CUX2: variants seen among roughly 807,000 people sequenced by gnomAD.
CUX2 encodes the protein cut like homeobox 2, also known as homeobox protein cut-like 2.
CUX2 carries 40 observed loss-of-function variants against 144.8 expected under a neutral mutation model. That is an observed-to-expected ratio of 0.28 (90% CI 0.21 to 0.36). The LOEUF is 0.36. Among genes scored for constraint, CUX2 ranks in the 10% least tolerant of loss-of-function variants. The pLI is 1.00. For synonymous variants in CUX2, 827 were observed against 875.6 expected (o/e 0.94, Z 0.98); for missense variants, 1,615 against 1,994.0 (o/e 0.81, Z 3.62).
At position 111,035,955 on chromosome 12, in the gene CUX2, C is replaced by CAGAG. The variant is rs150010371; in HGVS notation, c.63+1730_63+1733dup. Among the ~76,000 whole-genome samples the CAGAG allele has an allele frequency of 6.6e-6, 1 of 150,496 alleles. No individual in the cohort carries two copies. Among genetic ancestry groups the CAGAG allele is most frequent in the African/African-American group, 2.4e-5 (1 of 40,958 alleles). On this transcript the variant is annotated intron_variant, in intron 1 of 21. Coordinates refer to ENST00000261726, the MANE Select transcript of CUX2 (RefSeq NM_015267.4). This position sits in a 1 kb window ranked among gnomAD's most constrained non-coding sequence, Gnocchi z 6.0. ...TCTGGAAGAGTGGGGGTTATGGAGG[C>CAGAG]AGAGAGAGAGAGAGAGAGGGAGAAT...
chr12:111,042,089 G>T (rs865942506), intron 1 of CUX2, among the ~76,000 whole-genome samples: 11 of 152,322 alleles, frequency 7.2e-5, no homozygotes, highest in East Asian at 3.9e-4. Flanking sequence ...AAGAAAGAAA[G>T]AAATCAATCC....
At chr12:111,297,091 T>C (rs1159996089) in intron 8 of CUX2, among the ~76,000 whole-genome samples, 1 of 131,334 alleles carries the variant, frequency 7.6e-6, no homozygotes, top group African/African-American at 2.9e-5. Context: ...CTCCAGTACT[T>C]GCCTCCTCCC....
At chr12:111,274,033 C>T (rs932559593) in intron 4 of CUX2, among the ~76,000 whole-genome samples, 2 of 152,320 alleles carry the variant, frequency 1.3e-5, no homozygotes, top group Middle Eastern at 3.4e-3. Context: ...TTCTGTACAG[C>T]TCAGTATATA....
chr12:111,264,276 A>C (rs1327808385), intron 4 of CUX2, among the ~76,000 whole-genome samples: 6 of 152,234 alleles, frequency 3.9e-5, no homozygotes, highest in Non-Finnish European at 8.8e-5. Context: ...AGCCAGCCCC[A>C]GAAGAGCACA....
Position 111,334,603 on chromosome 12 carries a change from G to C in CUX2, c.3089G>C (p.Gly1030Ala). The change falls in exon 19 of 22, where the codon GGC becomes GCC. Residue 1030 changes from glycine to alanine, a missense_variant. By Grantham distance (60) the Gly-to-Ala change is moderately conservative. This residue lies in a region of CUX2 where 128 missense variants were observed against 124.4 expected (regional missense o/e 1.03). Coordinates refer to ENST00000261726, the MANE Select transcript of CUX2 (RefSeq NM_015267.4). ...TCGTTGAGCGGGAAGATGTACTCAG[G>C]CAGCCAGGCCCCAGGGGGCATCCAG... ...SSSLSGKMYS[G>A]SQAPGGIQEI... 6.2e-7 allele frequency: 1 copy of C among 1,614,100 alleles called. No homozygotes were observed. The highest frequency in any genetic ancestry group is 1.1e-5 in the South Asian group (1 of 91,082).
At chr12:111,299,895 G>A (rs1036256245) in intron 9 of CUX2, among the ~76,000 whole-genome samples, 15 of 152,094 alleles carry the variant, frequency 9.9e-5, no homozygotes, top group Non-Finnish European at 1.5e-4. Flanking sequence ...TGGGGGGCAA[G>A]GGGGACAGGG....
At chr12:111,333,903 A>G (rs1459247798) in intron 18 of CUX2, among the ~76,000 whole-genome samples, 1 of 151,814 alleles carries the variant, frequency 6.6e-6, no homozygotes, top group Admixed American at 6.6e-5. Flanking sequence ...ATTACTAAGC[A>G]TCGGCCAGGT....
intron 1 of CUX2, among the ~76,000 whole-genome samples, chr12:111,113,481 C>T (rs1175002059): frequency 6.6e-6 from 1 of 152,152 alleles, no homozygotes; most frequent in Admixed American, 6.5e-5. Flanking sequence ...ATTGCTTTGC[C>T]TTTTTCCAAA....
chr12:111,311,959 A>G (rs1358825098), intron 15 of CUX2, 141 bp from the exon 16 acceptor site: 2 of 601,490 alleles, frequency 3.3e-6, no homozygotes, highest in Non-Finnish European at 5.9e-6. Context: ...TGTTACATAG[A>G]CTAAGCAGTG....
intron 1 of CUX2, among the ~76,000 whole-genome samples, chr12:111,143,887 C>T (rs936780507): frequency 6.6e-6 from 1 of 152,146 alleles, no homozygotes; most frequent in Non-Finnish European, 1.5e-5. Context: ...GGAGTTGTTG[C>T]CCAAAACCTC....
intron 1 of CUX2, among the ~76,000 whole-genome samples, chr12:111,117,003 C>T (rs1297024895): frequency 6.6e-6 from 1 of 152,198 alleles, no homozygotes; most frequent in Non-Finnish European, 1.5e-5. Flanking sequence ...ACAGCTAATA[C>T]TGTGCTCCAT....
chr12:111,059,098 C>T lies in CUX2; in HGVS notation c.63+24858C>T, dbSNP rs998035297. 5.3e-5 allele frequency among the ~76,000 whole-genome samples: 8 copies of T among 152,200 alleles called. No homozygotes were observed. Among genetic ancestry groups the T allele is most frequent in the African/African-American group, 7.2e-5 (3 of 41,442 alleles). Reference sequence around the variant, plus strand: ...CCTTAACCGTAAACATCTAGAGGCTCGGAATGCTGAACTTTCTGAGGATGC... The same window carrying T: ...CCTTAACCGTAAACATCTAGAGGCTTGGAATGCTGAACTTTCTGAGGATGC... On this transcript the variant is annotated intron_variant, in intron 1 of 21. Coordinates refer to ENST00000261726, the MANE Select transcript of CUX2 (RefSeq NM_015267.4). The surrounding 1 kb of genome is among the most constrained non-coding windows in gnomAD (Gnocchi z 5.3).
At chr12:111,319,952 G>A (rs994849289) in intron 16 of CUX2, 60 bp from the exon 17 acceptor site, 45 of 1,411,686 alleles carry the variant, frequency 3.2e-5, no homozygotes, top group Middle Eastern at 1.9e-4. Context: ...TGTGAACATC[G>A]TCCCCTGCAT....
rs1193483873 is a variant in CUX2, at chr12:111,034,781, C to T, written c.63+541C>T. 1.3e-5 allele frequency among the ~76,000 whole-genome samples: 2 copies of T among 149,408 alleles called. No individual in the cohort carries two copies. The highest frequency in any genetic ancestry group is 4.9e-5 in the African/African-American group (2 of 41,142). Reference sequence around the variant, plus strand: ...GGAGCCGGGGTTGGCGAGGAGGCGGCTCCGCGCCCCGCCGCTCGCCGGCAC... The same window carrying T: ...GGAGCCGGGGTTGGCGAGGAGGCGGTTCCGCGCCCCGCCGCTCGCCGGCAC... On this transcript the variant is annotated intron_variant, in intron 1 of 21. Coordinates refer to ENST00000261726, the MANE Select transcript of CUX2 (RefSeq NM_015267.4). The surrounding 1 kb of genome is among the most constrained non-coding windows in gnomAD (Gnocchi z 4.2).
At position 111,314,884 on chromosome 12, in the gene CUX2, C is replaced by A. The variant is rs888911692; in HGVS notation, c.2002+2683C>A. Among the ~76,000 whole-genome samples the A allele has an allele frequency of 2.0e-4, 30 of 151,964 alleles. 1 individual carries two copies. The highest frequency in any genetic ancestry group is 8.8e-5 in the Non-Finnish European group (6 of 68,006). On this transcript the variant is annotated intron_variant, in intron 16 of 21. Transcript: ENST00000261726. ...AAAGAAATAACTAGCCAAAGTCTCC[C>A]ACTAAACCGACAGGACAACTGAGGC...
chr12:111,172,713 T>C (rs2136169334), intron 1 of CUX2, among the ~76,000 whole-genome samples: 1 of 152,228 alleles, frequency 6.6e-6, no homozygotes, highest in South Asian at 2.1e-4. Context: ...TTAAAAGGAG[T>C]CTGTGTCTTG....
chr12:111,216,485 A>T (rs1881538557), intron 2 of CUX2, among the ~76,000 whole-genome samples: 1 of 152,174 alleles, frequency 6.6e-6, no homozygotes, highest in South Asian at 2.1e-4. Context: ...GATTTCACCT[A>T]AAAACTGGAT....
intron 3 of CUX2, among the ~76,000 whole-genome samples, chr12:111,259,434 C>G (rs1168573311): frequency 6.6e-6 from 1 of 152,084 alleles, no homozygotes; most frequent in Non-Finnish European, 1.5e-5. Flanking sequence ...TTTATTTACA[C>G]AAACAGATGA....
intron 19 of CUX2, 28 bp downstream of exon 19, chr12:111,334,738 C>T: frequency 6.4e-7 from 1 of 1,561,532 alleles, no homozygotes; most frequent in South Asian, 1.2e-5. Context: ...ATCGGAGAGG[C>T]TGCCTCCCAC....
Sources: allele counts gnomAD v4.1 joint callset (sites outside exome capture counted in the v4.1 genomes callset), GRCh38; gene constraint gnomAD v4.1.1; regional missense constraint gnomAD v4.1.1; non-coding constraint Gnocchi (gnomAD v3.1); transcripts MANE v1.5; gene names NCBI Gene and HGNC (gene_info 2026-07-23, HGNC 2026-07-21).